Variants in RMDN1 observed in about 807,000 individuals in gnomAD.
The protein encoded by RMDN1 is regulator of microtubule dynamics 1.
In RMDN1, 48 loss-of-function variants were observed where a neutral mutation model predicts 48.9. That is an observed-to-expected ratio of 0.98 (90% CI 0.78 to 1.25). The LOEUF is 1.25. RMDN1 is among the 50% of genes most tolerant of loss of function. The pLI, the probability that RMDN1 is intolerant of heterozygous loss-of-function variation, is 0.00. For synonymous variants in RMDN1, 148 were observed against 132.6 expected (o/e 1.12, Z -0.80); for missense variants, 418 against 373.4 (o/e 1.12, Z -0.98).
chr8:86,495,233 C>T (rs1036580069), intron 2 of RMDN1, among the ~76,000 whole-genome samples: 1 of 152,102 alleles, frequency 6.6e-6, no homozygotes, highest in Admixed American at 6.5e-5. Flanking sequence ...TTGCCAAGCA[C>T]CAAGACTCAT....
chr8:86,470,266 G>C (rs768306869), downstream of RMDN1: 1 of 1,289,358 alleles, frequency 7.8e-7, no homozygotes, highest in South Asian at 1.2e-5. Context: ...CCAGCAGTCA[G>C]CTCTGGAATC....
intron 8 of RMDN1, 60 bp from the exon 9 acceptor site, chr8:86,475,013 G>A: frequency 6.9e-7 from 1 of 1,446,054 alleles, no homozygotes; most frequent in Non-Finnish European, 9.2e-7. Context: ...ATTTTTAAAG[G>A]TTTGTTTCTG....
intron 5 of RMDN1, chr8:86,482,640 C>T (rs1586636328): frequency 3.8e-6 from 3 of 782,780 alleles, no homozygotes; most frequent in South Asian, 2.7e-5. Flanking sequence ...GGTATACTTC[C>T]AGGCTTCCAC....
At chr8:86,507,842 T>A (rs1819637631) in intron 1 of RMDN1, among the ~76,000 whole-genome samples, 1 of 152,220 alleles carries the variant, frequency 6.6e-6, no homozygotes, top group Non-Finnish European at 1.5e-5. Context: ...AGATTTTAAC[T>A]GAGCAGTTAA....
chr8:86,482,445 A>C, intron 5 of RMDN1: 1 of 496,320 alleles, frequency 2.0e-6, no homozygotes, highest in Non-Finnish European at 3.7e-6. Context: ...TGCAGTCTTA[A>C]GTTGACAGCA....
upstream of RMDN1, among the ~76,000 whole-genome samples, chr8:86,511,209 T>TC (rs529365290): frequency 5.9e-5 from 9 of 151,812 alleles, no homozygotes; most frequent in South Asian, 1.7e-3. Context: ...GCACGGTGGC[T>TC]CACGCCTGTA....
chr8:86,508,987 A>G (rs1297691057), upstream of RMDN1, among the ~76,000 whole-genome samples: 1 of 152,184 alleles, frequency 6.6e-6, no homozygotes, highest in Non-Finnish European at 1.5e-5. Flanking sequence ...AATAGACCCG[A>G]GAATACAAGT....
At position 86,486,659 on chromosome 8, in the gene RMDN1, A is replaced by C; in HGVS notation, c.336-16T>G. The stretch of plus-strand genomic sequence containing the variant: ...TGCATCTTCACTAATTTGAAATAAA[A>C]TATAAAACAACCATTTTAGCTCACA... On this transcript the variant is annotated splice_polypyrimidine_tract_variant and intron_variant, in intron 3 of 9. Transcript: ENST00000406452. 1 of 1,579,650 alleles carries C rather than the reference A, an allele frequency of 6.3e-7. No individual in the cohort carries two copies. Among genetic ancestry groups the C allele is most frequent in the Non-Finnish European group, 8.6e-7 (1 of 1,163,250 alleles).
At chr8:86,497,946 A>G (rs1159230651) in intron 2 of RMDN1, among the ~76,000 whole-genome samples, 1 of 151,454 alleles carries the variant, frequency 6.6e-6, no homozygotes, top group African/African-American at 2.4e-5. Flanking sequence ...AATATAAAAA[A>G]TTAGCGAGGT....
chr8:86,508,661 G>C lies in RMDN1; in HGVS notation c.-41C>G. The C allele has an allele frequency of 6.4e-7, 1 of 1,558,254 alleles. No homozygotes were observed. Among genetic ancestry groups the C allele is most frequent in the African/African-American group, 1.4e-5 (1 of 73,046 alleles). On this transcript the variant is annotated 5_prime_UTR_variant, in exon 1 of 10. Transcript: ENST00000406452. ...GGCTGACCCTGCACTACTTCAGGCA[G>C]CTACGGAGGCGGGCGGGGCTAAAGG...
At chr8:86,494,483 G>A (rs1425721738) in intron 2 of RMDN1, among the ~76,000 whole-genome samples, 2 of 152,144 alleles carry the variant, frequency 1.3e-5, no homozygotes, top group African/African-American at 2.4e-5. Flanking sequence ...CTGAGTCCAG[G>A]AGGTCGAGGC....
At chr8:86,508,415 G>A (rs1819747151) in intron 1 of RMDN1, 77 bp downstream of exon 1, 4 of 1,436,548 alleles carry the variant, frequency 2.8e-6, no homozygotes, top group African/African-American at 1.5e-5. Flanking sequence ...GCGCGGGGCC[G>A]CCACCACTTA....
intron 6 of RMDN1, 44 bp from the exon 7 acceptor site, chr8:86,479,054 CT>C: frequency 7.1e-7 from 1 of 1,400,540 alleles, no homozygotes; most frequent in Non-Finnish European, 1.0e-6. Flanking sequence ...ATTGTACCTT[CT>C]TTTCTCTTAA....
rs528688327 is a variant in RMDN1, at chr8:86,507,800, C to T, written c.130-688G>A. Among the ~76,000 whole-genome samples, 15 of 152,306 alleles carry T rather than the reference C, an allele frequency of 9.8e-5. No homozygotes were observed. The East Asian group carries it at 2.7e-3, about 27-fold the overall frequency. On this transcript the variant is annotated intron_variant, in intron 1 of 9. Transcript: ENST00000406452. Reference sequence around the variant, plus strand: ...GGAATATGCCAAATTTTAACCACCCCTCCCCACCATCAGTCCCATAATAAT... The same window carrying T: ...GGAATATGCCAAATTTTAACCACCCTTCCCCACCATCAGTCCCATAATAAT...
At chr8:86,489,808 CGA>C (rs1478669807) in intron 2 of RMDN1, among the ~76,000 whole-genome samples, 2 of 131,488 alleles carry the variant, frequency 1.5e-5, no homozygotes, top group Non-Finnish European at 3.1e-5. Flanking sequence ...CCAGCCTGGG[CGA>C]TACAGCAAGA....
rs878977452 is a variant in RMDN1, at chr8:86,504,657, A to AATG, written c.247+2335_247+2337dup. On this transcript the variant is annotated intron_variant, in intron 2 of 9. Coordinates refer to ENST00000406452, the MANE Select transcript of RMDN1 (RefSeq NM_016033.3). Reference sequence around the variant, plus strand: ...CTGTTTGTTATTAAAGGATGAGTATAATGGGATGAGCTTTGTCTTTATCGG... The same window carrying AATG: ...CTGTTTGTTATTAAAGGATGAGTATAATGATGGGATGAGCTTTGTCTTTATCGG... 3.7e-4 allele frequency: 321 copies of AATG among 877,578 alleles called. 5 individuals are homozygous for AATG. The South Asian group carries it at 4.0e-3, about 11-fold the overall frequency. 54.4% of individuals were successfully genotyped at this position (877,578 alleles called of 1,614,324 possible). A position where few individuals can be genotyped will look rare whatever the true frequency, so the allele number is the denominator to read the frequency against.
At chr8:86,482,045 C>T (rs1253546151) in intron 5 of RMDN1, 5 of 684,994 alleles carry the variant, frequency 7.3e-6, no homozygotes, top group Middle Eastern at 8.2e-4. Flanking sequence ...AAATGCTAAT[C>T]ACTGGTCCTC....
chr8:86,498,705 T>C (rs1817758534), intron 2 of RMDN1, among the ~76,000 whole-genome samples: 2 of 152,008 alleles, frequency 1.3e-5, no homozygotes, highest in Non-Finnish European at 1.5e-5. Context: ...CACTTGAGCC[T>C]GGGAGGCGGA....
intron 5 of RMDN1, 22 bp from the exon 6 acceptor site, chr8:86,480,354 A>T: frequency 7.2e-7 from 1 of 1,395,196 alleles, no homozygotes; most frequent in Non-Finnish European, 9.8e-7. Context: ...TGAGAAAAAT[A>T]AATCATATTT....
Sources: gnomAD v4.1 joint callset for allele counts (sites outside exome capture counted in the v4.1 genomes callset) on GRCh38, gnomAD v4.1.1 for gene constraint, MANE v1.5 for transcripts, NCBI Gene and HGNC (gene_info 2026-07-23, HGNC 2026-07-21) for gene names.